PDE1A: variants seen among roughly 807,000 people sequenced by gnomAD.
PDE1A encodes phosphodiesterase 1A.
In PDE1A, 35 loss-of-function variants were observed where a neutral mutation model predicts 61.7. The observed-to-expected ratio is 0.57, with a 90% CI of 0.43 to 0.75. PDE1A has a LOEUF of 0.75. Ranked by LOEUF, PDE1A falls within the 30% of genes least tolerant of loss-of-function variation. The pLI is 0.00. For missense variants in PDE1A, 597 were observed against 630.6 expected (o/e 0.95, Z 0.57); for synonymous variants, 232 against 213.2 (o/e 1.09, Z -0.77).
At chr2:182,166,628 T>C (rs1330932643), downstream of PDE1A, among the ~76,000 whole-genome samples, 1 of 152,300 alleles carries the variant, frequency 6.6e-6, no homozygotes, top group East Asian at 1.9e-4. Context: ...TGGCCCATCA[T>C]GGGACTTTGC....
chr2:182,526,590 C>A (rs1690777350), upstream of PDE1A, among the ~76,000 whole-genome samples: 1 of 152,138 alleles, frequency 6.6e-6, no homozygotes. Flanking sequence ...AAAATAAAAG[C>A]ATTCTTTGAT....
the PDE1A span, among the ~76,000 whole-genome samples, chr2:182,693,211 C>T: frequency 6.6e-6 from 1 of 152,102 alleles, no homozygotes; most frequent in Non-Finnish European, 1.5e-5. Context: ...ATAGTGAACT[C>T]CCATTTATCT....
intron 1 of PDE1A, among the ~76,000 whole-genome samples, chr2:182,351,112 C>T (rs915559216): frequency 1.3e-5 from 2 of 152,146 alleles, no homozygotes; most frequent in Non-Finnish European, 2.9e-5. Flanking sequence ...AAGAAAAATG[C>T]TTTTGATATA....
intron 2 of PDE1A, among the ~76,000 whole-genome samples, chr2:182,470,580 C>T (rs942152931): frequency 6.6e-6 from 1 of 151,782 alleles, no homozygotes; most frequent in African/African-American, 2.4e-5. Flanking sequence ...TCAGTAAATA[C>T]ATACAGGAAG....
intron 13 of PDE1A, among the ~76,000 whole-genome samples, chr2:182,148,932 A>G (rs549347030): frequency 5.7e-4 from 86 of 152,112 alleles, no homozygotes; most frequent in Non-Finnish European, 3.5e-4. Flanking sequence ...TTTCAAGCTC[A>G]GTGACCTGAG....
chr2:182,534,618 C>CT, the PDE1A span, among the ~76,000 whole-genome samples: 3 of 151,202 alleles, frequency 2.0e-5, no homozygotes, highest in Non-Finnish European at 3.0e-5. Context: ...AATTTTTAAT[C>CT]TTTTTTTCTT....
chr2:182,522,733 G>A, exon 1 of PDE1A: 1 of 925,172 alleles, frequency 1.1e-6, no homozygotes, highest in Non-Finnish European at 1.3e-6. Flanking sequence ...AAGCACATCA[G>A]AATTCCTACA....
chr2:182,454,863 G>A (rs1685791944), intron 2 of PDE1A, among the ~76,000 whole-genome samples: 1 of 142,686 alleles, frequency 7.0e-6, no homozygotes, highest in Admixed American at 7.0e-5. Context: ...CATGGGCAAG[G>A]ACTTCACAAA....
intron 1 of PDE1A, among the ~76,000 whole-genome samples, chr2:182,289,595 A>G (rs573400358): frequency 6.6e-6 from 1 of 152,220 alleles, no homozygotes; most frequent in African/African-American, 2.4e-5. Flanking sequence ...AGCAGATTTC[A>G]AGAGGGGCCC....
chr2:182,325,026 GACTTTGAATTC>G, intron 1 of PDE1A, among the ~76,000 whole-genome samples: 1 of 152,288 alleles, frequency 6.6e-6, no homozygotes, highest in Middle Eastern at 3.4e-3. Context: ...CCAAGATTTT[GACTTTGAATTC>G]ACTGCCCTTT....
chr2:182,644,160 G>C, the PDE1A span, among the ~76,000 whole-genome samples: 5 of 51,710 alleles, frequency 9.7e-5, no homozygotes, highest in Admixed American at 5.0e-4. Flanking sequence ...CACACACACA[G>C]AGCCTTGTAA....
At chr2:182,599,732 T>A in the PDE1A span, among the ~76,000 whole-genome samples, 8 of 152,232 alleles carry the variant, frequency 5.3e-5, no homozygotes, top group Non-Finnish European at 8.8e-5. Flanking sequence ...TTGTTGCCTA[T>A]CTGAAACTTA....
At chr2:182,671,542 G>A in the PDE1A span, among the ~76,000 whole-genome samples, 2 of 149,930 alleles carry the variant, frequency 1.3e-5, no homozygotes, top group South Asian at 2.1e-4. Flanking sequence ...CATTTTTCCT[G>A]ATAGGTACAT....
At chr2:182,171,269 G>A (rs930865614) in intron 13 of PDE1A, among the ~76,000 whole-genome samples, 1 of 151,962 alleles carries the variant, frequency 6.6e-6, no homozygotes, top group East Asian at 1.9e-4. Flanking sequence ...AGGAAATTAA[G>A]TTTTTATAGG....
the PDE1A span, among the ~76,000 whole-genome samples, chr2:182,644,324 G>A: frequency 7.8e-6 from 1 of 128,532 alleles, no homozygotes; most frequent in African/African-American, 2.9e-5. Context: ...TGTATGTAAA[G>A]CCATGTATGA....
At chr2:182,512,314 G>C (rs1217505677) in intron 2 of PDE1A, among the ~76,000 whole-genome samples, 2 of 152,294 alleles carry the variant, frequency 1.3e-5, no homozygotes, top group East Asian at 1.9e-4. Context: ...CCCAGTATTA[G>C]AGCATGCAGC....
chr2:182,656,499 G>A, the PDE1A span, among the ~76,000 whole-genome samples: 2 of 152,110 alleles, frequency 1.3e-5, no homozygotes, highest in Non-Finnish European at 2.9e-5. Context: ...TACTGGATGA[G>A]GTATCAGGAA....
chr2:182,638,095 A>G, the PDE1A span, among the ~76,000 whole-genome samples: 2 of 152,350 alleles, frequency 1.3e-5, no homozygotes, highest in African/African-American at 4.8e-5. Flanking sequence ...GAATCTCTTA[A>G]TTAATAATAT....
the PDE1A span, among the ~76,000 whole-genome samples, chr2:182,651,464 T>A: frequency 6.6e-6 from 1 of 152,366 alleles, no homozygotes; most frequent in African/African-American, 2.4e-5. Context: ...GAGAAATCTC[T>A]TTGAACATTA....
Sources: allele counts gnomAD v4.1 joint callset (sites outside exome capture counted in the v4.1 genomes callset), GRCh38; gene constraint gnomAD v4.1.1; transcripts MANE v1.5; gene names NCBI Gene and HGNC (gene_info 2026-07-23, HGNC 2026-07-21).